UBE3D: variants seen among roughly 807,000 people sequenced by gnomAD.
The protein encoded by UBE3D is ubiquitin protein ligase E3D, also known as E3 ubiquitin-protein ligase E3D.
In UBE3D, 48 loss-of-function variants were observed where a neutral mutation model predicts 49.6. The observed-to-expected ratio is 0.97, with a 90% CI of 0.77 to 1.23. The LOEUF is 1.23. Among genes scored for constraint, UBE3D ranks in the 50% most tolerant of loss-of-function variants. The pLI, the probability that UBE3D is intolerant of heterozygous loss-of-function variation, is 0.00. For missense variants in UBE3D, 452 were observed against 468.4 expected, an observed-to-expected ratio of 0.96 and a Z score of 0.32; for synonymous variants, 189 against 174.2, an observed-to-expected ratio of 1.08 and a Z score of -0.67.
intron 9 of UBE3D, among the ~76,000 whole-genome samples, chr6:82,906,170 C>T (rs543351105): frequency 6.6e-6 from 1 of 152,070 alleles, no homozygotes; most frequent in Non-Finnish European, 1.5e-5. Context: ...TTGTTCAAAT[C>T]AGAATCCAAA....
intron 1 of UBE3D, among the ~76,000 whole-genome samples, chr6:83,059,169 C>T (rs1269181675): frequency 6.6e-6 from 1 of 151,926 alleles, no homozygotes; most frequent in Admixed American, 6.6e-5. Context: ...ATGGTTTGAG[C>T]CAAGAAGTTT....
intron 8 of UBE3D, among the ~76,000 whole-genome samples, chr6:82,993,309 T>C (rs1417620895): frequency 1.3e-5 from 2 of 151,908 alleles, no homozygotes; most frequent in African/African-American, 4.8e-5. Flanking sequence ...TGCACGACTG[T>C]ACCCAAGCTG....
At chr6:83,031,057 G>C (rs1781831699) in intron 5 of UBE3D, among the ~76,000 whole-genome samples, 1 of 152,118 alleles carries the variant, frequency 6.6e-6, no homozygotes, top group African/African-American at 2.4e-5. Context: ...GCCCAGGCTG[G>C]AGTGCAGTGG....
chr6:83,001,351 C>T (rs1355430509), intron 8 of UBE3D, among the ~76,000 whole-genome samples: 1 of 152,228 alleles, frequency 6.6e-6, no homozygotes, highest in Non-Finnish European at 1.5e-5. Context: ...CAAGAGTACA[C>T]ATTTAATAAG....
chr6:83,034,135 A>G (rs1368702954), intron 5 of UBE3D, among the ~76,000 whole-genome samples: 1 of 152,350 alleles, frequency 6.6e-6, no homozygotes, highest in Non-Finnish European at 1.5e-5. Flanking sequence ...TCTACAGAAT[A>G]AAATTGCCCA....
At chr6:82,887,395 T>TG (rs1445990544), downstream of UBE3D, among the ~76,000 whole-genome samples, 3 of 70,436 alleles carry the variant, frequency 4.3e-5, no homozygotes, top group African/African-American at 2.9e-4. Context: ...AACAGTTTTT[T>TG]TTTTTTTTTT....
At chr6:82,968,188 T>C (rs1290704932) in intron 8 of UBE3D, among the ~76,000 whole-genome samples, 1 of 152,180 alleles carries the variant, frequency 6.6e-6, no homozygotes, top group African/African-American at 2.4e-5. Context: ...AAGTTCTTAA[T>C]TTTAATGTAA....
At chr6:83,016,182 G>A (rs1002662170) in intron 8 of UBE3D, among the ~76,000 whole-genome samples, 5 of 152,180 alleles carry the variant, frequency 3.3e-5, no homozygotes, top group African/African-American at 7.2e-5. Flanking sequence ...TTGAGGCTTA[G>A]TATCTGTTTC....
intron 8 of UBE3D, among the ~76,000 whole-genome samples, chr6:82,991,142 C>T (rs916366687): frequency 6.6e-6 from 1 of 152,136 alleles, no homozygotes; most frequent in East Asian, 1.9e-4. Context: ...AAGGAGTGCT[C>T]AAGACACAGA....
intron 3 of UBE3D, among the ~76,000 whole-genome samples, chr6:83,053,669 C>A (rs942899): frequency 1.3e-5 from 2 of 152,098 alleles, no homozygotes; most frequent in African/African-American, 4.8e-5. Context: ...TAATCATTGA[C>A]AAAAGGTTAA....
At chr6:83,028,344 CAAT>C (rs1034457804) in intron 5 of UBE3D, among the ~76,000 whole-genome samples, 55 of 152,210 alleles carry the variant, frequency 3.6e-4, no homozygotes, top group African/African-American at 1.3e-3. Context: ...ATGAGTTTTA[CAAT>C]GAAGATATTT....
At chr6:82,982,745 TCAA>T (rs1391857578) in intron 8 of UBE3D, among the ~76,000 whole-genome samples, 2 of 152,148 alleles carry the variant, frequency 1.3e-5, no homozygotes, top group African/African-American at 2.4e-5. Flanking sequence ...AAGATGATCA[TCAA>T]CAAGTTCCAT....
chr6:82,901,805 T>C lies in UBE3D; in HGVS notation c.1150-8763A>G, dbSNP rs140007898. Among the ~76,000 whole-genome samples the C allele has an allele frequency of 4.5e-3, 692 of 152,302 alleles. 2 individuals are homozygous for C. Among genetic ancestry groups the C allele is most frequent in the Non-Finnish European group, 7.8e-3 (533 of 68,020 alleles). ...AGAAACAAATTATATCCAGTCCTAT[T>C]TCCCAATATTAATAAAGGAGCCTGG... On this transcript the variant is annotated intron_variant, in intron 9 of 9. Transcript: ENST00000369747.
intron 8 of UBE3D, among the ~76,000 whole-genome samples, chr6:82,979,378 A>AG (rs1247400506): frequency 6.6e-6 from 1 of 152,138 alleles, no homozygotes; most frequent in African/African-American, 2.4e-5. Context: ...CATTAACCTG[A>AG]GAGAAATTTT....
chr6:82,966,063 C>T (rs1016899474), intron 8 of UBE3D, among the ~76,000 whole-genome samples: 2 of 152,030 alleles, frequency 1.3e-5, no homozygotes, highest in Non-Finnish European at 2.9e-5. Context: ...TATCCTCAAC[C>T]GCCTCATTAT....
intron 9 of UBE3D, among the ~76,000 whole-genome samples, chr6:82,954,687 A>G (rs1378881043): frequency 6.6e-6 from 1 of 152,232 alleles, no homozygotes; most frequent in Admixed American, 6.5e-5. Context: ...CAATTTAAAA[A>G]AAATCCTAAA....
intron 9 of UBE3D, among the ~76,000 whole-genome samples, chr6:82,911,411 A>G (rs1450911202): frequency 6.6e-6 from 1 of 152,168 alleles, no homozygotes; most frequent in Non-Finnish European, 1.5e-5. Context: ...CTGCTTCTAA[A>G]TGGAATAACA....
chr6:83,023,921 G>A (rs761534161), intron 6 of UBE3D, 48 bp downstream of exon 6: 3 of 1,277,828 alleles, frequency 2.3e-6, no homozygotes, highest in Admixed American at 2.6e-5. Flanking sequence ...GGTCTGAATG[G>A]GGAAAAAAAT....
At chr6:82,904,285 G>A (rs911248008) in intron 9 of UBE3D, among the ~76,000 whole-genome samples, 7 of 152,070 alleles carry the variant, frequency 4.6e-5, no homozygotes, top group African/African-American at 7.2e-5. Context: ...CCTGCCAAAC[G>A]TCATTTTACT....
Sources: gnomAD v4.1 joint callset for allele counts (sites outside exome capture counted in the v4.1 genomes callset) on GRCh38, gnomAD v4.1.1 for gene constraint, MANE v1.5 for transcripts, NCBI Gene and HGNC (gene_info 2026-07-23, HGNC 2026-07-21) for gene names.